CPT1A: variants seen among roughly 807,000 people sequenced by gnomAD.
The protein encoded by CPT1A is carnitine palmitoyltransferase 1A, also known as carnitine O-palmitoyltransferase 1, liver isoform.
A neutral mutation model predicts 100.8 loss-of-function variants in CPT1A; 64 were observed. That is an observed-to-expected ratio of 0.63 (90% confidence interval 0.52 to 0.78). CPT1A has a LOEUF of 0.78. Ranked by LOEUF, CPT1A falls within the 30% of genes least tolerant of loss-of-function variation. The probability of loss-of-function intolerance (pLI) is 0.00; values close to 1 mark genes in which losing one functional copy is unlikely to be tolerated. For missense variants in CPT1A, 802 were observed against 1,034.1 expected, an observed-to-expected ratio of 0.78 and a Z score of 3.08; for synonymous variants, 363 against 396.0, an observed-to-expected ratio of 0.92 and a Z score of 0.99.
intron 6 of CPT1A, 92 bp from the exon 7 acceptor site, chr11:68,797,025 C>A (rs1174291619): frequency 7.9e-7 from 1 of 1,266,314 alleles, no homozygotes; most frequent in African/African-American, 1.5e-5. Context: ...GAAGGGCAGG[C>A]AGTGCTTTTG....
At chr11:68,806,871 A>G (rs1270708177) in intron 4 of CPT1A, among the ~76,000 whole-genome samples, 2 of 152,160 alleles carry the variant, frequency 1.3e-5, no homozygotes, top group Non-Finnish European at 2.9e-5. Context: ...CAGAGTTTGC[A>G]GTGAGCTGAG....
At chr11:68,783,688 C>G (rs1431128205) in intron 10 of CPT1A, among the ~76,000 whole-genome samples, 1 of 152,232 alleles carries the variant, frequency 6.6e-6, no homozygotes, top group African/African-American at 2.4e-5. Context: ...CTGGTTGTCA[C>G]ACAGGTTGCT....
At chr11:68,803,871 G>C in intron 5 of CPT1A, 129 bp downstream of exon 5, 1 of 701,860 alleles carries the variant, frequency 1.4e-6, no homozygotes, top group Non-Finnish European at 2.6e-6. Context: ...GTTCCTATGA[G>C]AACCCTACCA....
intron 1 of CPT1A, among the ~76,000 whole-genome samples, chr11:68,839,307 G>A (rs1449465041): frequency 6.6e-6 from 1 of 152,242 alleles, no homozygotes; most frequent in African/African-American, 2.4e-5. Flanking sequence ...CGCTTGGAAA[G>A]CGTCCTCGGA....
At chr11:68,782,270 G>C (rs945968028) in intron 10 of CPT1A, among the ~76,000 whole-genome samples, 2 of 152,210 alleles carry the variant, frequency 1.3e-5, no homozygotes, top group East Asian at 3.9e-4. Context: ...CCTGTTCCAC[G>C]CTCCCTGACA....
chr11:68,774,624 G>A (rs1855091724), intron 13 of CPT1A, among the ~76,000 whole-genome samples: 2 of 151,218 alleles, frequency 1.3e-5, no homozygotes, highest in African/African-American at 4.9e-5. Context: ...TGTATTTTTA[G>A]TAGAGACGGG....
chr11:68,812,195 T>C (rs1285085437), intron 3 of CPT1A, among the ~76,000 whole-genome samples: 1 of 152,092 alleles, frequency 6.6e-6, no homozygotes, highest in Non-Finnish European at 1.5e-5. Flanking sequence ...TTCCAAGGGG[T>C]GCCCCAGGGC....
intron 1 of CPT1A, among the ~76,000 whole-genome samples, chr11:68,830,277 C>A (rs372199552): frequency 4.6e-5 from 7 of 151,306 alleles, no homozygotes; most frequent in African/African-American, 1.5e-4. Flanking sequence ...GACCCTGTCT[C>A]AAAAAAAATA....
intron 1 of CPT1A, among the ~76,000 whole-genome samples, chr11:68,840,739 T>G (rs571704983): frequency 9.2e-5 from 14 of 152,224 alleles, no homozygotes; most frequent in African/African-American, 3.1e-4. Flanking sequence ...CGCTGACCCA[T>G]GGCCTCTCCT....
intron 14 of CPT1A, 123 bp downstream of exon 14, chr11:68,773,142 G>T (rs896575806): frequency 3.9e-6 from 6 of 1,527,398 alleles, no homozygotes; most frequent in South Asian, 3.6e-5. Context: ...ACCGGGGTCG[G>T]GGGGAGCTGT....
intron 1 of CPT1A, among the ~76,000 whole-genome samples, chr11:68,820,648 C>T (rs1856557284): frequency 6.6e-6 from 1 of 152,064 alleles, no homozygotes; most frequent in Non-Finnish European, 1.5e-5. Context: ...CACCACTGCA[C>T]TTCAGCCTGG....
intron 3 of CPT1A, among the ~76,000 whole-genome samples, chr11:68,810,288 C>G (rs114938541): frequency 0.011 from 1,634 of 152,322 alleles, 31 homozygotes; most frequent in African/African-American, 0.035. Context: ...GCCTGTGGGT[C>G]CTGGGACCTC....
intron 1 of CPT1A, among the ~76,000 whole-genome samples, chr11:68,817,169 GGT>G (rs1357316619): frequency 3.5e-5 from 5 of 142,304 alleles, no homozygotes; most frequent in South Asian, 2.2e-4. Context: ...GTGTGTGTGT[GGT>G]GTGTGTGTGT....
chr11:68,796,726 C>CAG, intron 7 of CPT1A, 130 bp downstream of exon 7: 1 of 860,486 alleles, frequency 1.2e-6, no homozygotes, highest in South Asian at 1.4e-5. Context: ...GGAAGCAGGA[C>CAG]AGAGAGGAGC....
intron 5 of CPT1A, among the ~76,000 whole-genome samples, chr11:68,803,566 C>T (rs1855961364): frequency 6.6e-6 from 1 of 151,880 alleles, no homozygotes; most frequent in Non-Finnish European, 1.5e-5. Flanking sequence ...CAAAAATTAG[C>T]CGGGCGTGGT....
chr11:68,838,436 A>C (rs1857066314), intron 1 of CPT1A, among the ~76,000 whole-genome samples: 1 of 151,994 alleles, frequency 6.6e-6, no homozygotes, highest in Admixed American at 6.6e-5. Context: ...AGCAGAAAAA[A>C]GTCCTTACTT....
At chr11:68,785,708 C>T (rs956717225) in intron 9 of CPT1A, 57 of 317,210 alleles carry the variant, frequency 1.8e-4, no homozygotes, top group Non-Finnish European at 2.4e-4. Flanking sequence ...AATTAAGAGA[C>T]GATATCCGTA....
rs376706366 is a variant in CPT1A at position 68,780,772 on chromosome 11, T to G, written c.1353-27A>C. 1.8e-3 allele frequency: 2,926 copies of G among 1,595,732 alleles called. 61 individuals are homozygous for G. The South Asian group carries it at 0.03, about 17-fold the overall frequency. ...TACGTGAAACACACATGTGTGGAAC[T>G]TAAGTGTTTAAAGAGGCAACAATGA... On this transcript the variant is annotated intron_variant, in intron 11 of 18. Coordinates refer to ENST00000265641, the MANE Select transcript of CPT1A (RefSeq NM_001876.4).
intron 8 of CPT1A, 50 bp from the exon 9 acceptor site, chr11:68,793,452 A>G: frequency 6.7e-7 from 1 of 1,490,390 alleles, no homozygotes; most frequent in Non-Finnish European, 9.2e-7. Context: ...CACAGAAGAA[A>G]AGCAGCAAGT....
Sources: gnomAD v4.1 joint callset for allele counts (sites outside exome capture counted in the v4.1 genomes callset) on GRCh38, gnomAD v4.1.1 for gene constraint, MANE v1.5 for transcripts, NCBI Gene and HGNC (gene_info 2026-07-23, HGNC 2026-07-21) for gene names.